EIF3L: variants seen among roughly 807,000 people sequenced by gnomAD.
The protein encoded by EIF3L is eIEF associated protein HSPC021.
Under a neutral mutation model 74.6 loss-of-function variants are expected in EIF3L, and 32 were observed. The observed-to-expected ratio is 0.43, with a 90% CI of 0.32 to 0.58. EIF3L has a LOEUF of 0.58. Ranked by LOEUF, EIF3L falls within the 20% of genes least tolerant of loss-of-function variation. The pLI is 0.06. For synonymous variants in EIF3L, 256 were observed against 254.4 expected (o/e 1.01, Z -0.06); for missense variants, 474 against 707.8 (o/e 0.67, Z 3.75).
At chr22:37,849,920 T>C (rs1925081296) in intron 1 of EIF3L, 95 bp from the exon 2 acceptor site, 6 of 1,380,882 alleles carry the variant, frequency 4.3e-6, no homozygotes, top group Non-Finnish European at 6.2e-6. Flanking sequence ...TTCGCCTCTG[T>C]ATCCTTAGCT....
intron 5 of EIF3L, 120 bp downstream of exon 5, chr22:37,858,860 G>GT (rs1925688204): frequency 4.4e-6 from 4 of 914,704 alleles, no homozygotes; most frequent in Non-Finnish European, 6.6e-6. Flanking sequence ...TGATTGGCAT[G>GT]TTTTTGAGTT....
At chr22:37,884,270 A>G (rs1259871980) in intron 11 of EIF3L, 1 of 152,198 alleles carries the variant, frequency 6.6e-6, no homozygotes, top group Non-Finnish European at 1.5e-5. Context: ...CCCATGTATT[A>G]ATGTACTGCA....
chr22:37,856,084 G>A lies in EIF3L; in HGVS notation c.373+440G>A, dbSNP rs551226633. Among the ~76,000 whole-genome samples, 83 of 151,692 alleles carry A rather than the reference G, an allele frequency of 5.5e-4. 1 individual carries two copies. The highest frequency in any genetic ancestry group is 4.6e-4 in the Non-Finnish European group (31 of 67,944). ...TTATTATTATTTTTTTTGAGATGGA[G>A]TCTCGTTCTGTCTCCCAGGCTGAAG... On this transcript the variant is annotated intron_variant, in intron 4 of 12. Transcript: ENST00000652021.
intron 5 of EIF3L, among the ~76,000 whole-genome samples, chr22:37,862,615 A>C (rs1601762404): frequency 6.6e-6 from 1 of 152,312 alleles, no homozygotes; most frequent in East Asian, 1.9e-4. Flanking sequence ...CCGGTGCAGC[A>C]TTATCTTCTC....
chr22:37,851,849 G>A (rs1925244215), intron 3 of EIF3L, among the ~76,000 whole-genome samples: 1 of 152,020 alleles, frequency 6.6e-6, no homozygotes, highest in South Asian at 2.1e-4. Flanking sequence ...TGTATTTTTA[G>A]TAGAGACAGA....
chr22:37,858,413 T>C (rs572271966), intron 4 of EIF3L, among the ~76,000 whole-genome samples: 1 of 151,920 alleles, frequency 6.6e-6, no homozygotes, highest in East Asian at 2.0e-4. Flanking sequence ...TGCTGGTTTT[T>C]TTATGCACTT....
At chr22:37,885,686 C>G (rs1927282693) in intron 11 of EIF3L, 1 of 148,556 alleles carries the variant, frequency 6.7e-6, no homozygotes, top group African/African-American at 2.5e-5. Flanking sequence ...CTTTGTCACC[C>G]AAGCTGGAGT....
chr22:37,888,384 G>A, intron 12 of EIF3L, 42 bp from the exon 13 acceptor site: 1 of 1,611,058 alleles, frequency 6.2e-7, no homozygotes, highest in South Asian at 1.1e-5. Flanking sequence ...AAAGGGGTTG[G>A]GGAAATCCCC....
chr22:37,870,371 G>C (rs115718162), intron 8 of EIF3L, 24 bp downstream of exon 8: 2 of 1,561,692 alleles, frequency 1.3e-6, no homozygotes, highest in African/African-American at 2.7e-5. Context: ...GCCGACAGCC[G>C]TGGCCTGCGA....
intron 4 of EIF3L, among the ~76,000 whole-genome samples, chr22:37,858,186 A>C (rs1382016585): frequency 6.6e-6 from 1 of 150,514 alleles, no homozygotes; most frequent in Non-Finnish European, 1.5e-5. Flanking sequence ...CAAACAAACA[A>C]ACAACATTCT....
chr22:37,870,666 A>C (rs1189359831), intron 8 of EIF3L, among the ~76,000 whole-genome samples: 1 of 152,180 alleles, frequency 6.6e-6, no homozygotes, highest in Non-Finnish European at 1.5e-5. Flanking sequence ...ACCCTGTTAA[A>C]ATATTGAGAA....
At position 37,877,721 on chromosome 22, in the gene EIF3L, C is replaced by T; in HGVS notation, c.1125C>T (p.Leu375=). The change falls in exon 11 of 13, where the codon CTC becomes CTT. Residue 375 remains leucine (L), a synonymous_variant. Transcript: ENST00000652021. ...EQMHALLAIA[L]TMYPMRIDES... ...TGCATGCGCTGCTGGCCATTGCCCT[C>T]ACGATGTACCCCATGCGTATTGATG... 6.2e-7 allele frequency: 1 copy of T among 1,613,018 alleles called. No individual in the cohort carries two copies. The highest frequency in any genetic ancestry group is 8.5e-7 in the Non-Finnish European group (1 of 1,179,406).
chr22:37,852,852 GT>G (rs1198310677), intron 3 of EIF3L, among the ~76,000 whole-genome samples: 1 of 142,202 alleles, frequency 7.0e-6, no homozygotes, highest in Non-Finnish European at 1.5e-5. Context: ...GGGTTAGTTA[GT>G]GAGGAGAGAG....
In EIF3L at chr22:37,850,007, C is replaced by G. The variant is rs571108123; in HGVS notation, c.34-8C>G. 6.2e-7 allele frequency: 1 copy of G among 1,613,530 alleles called. No individual in the cohort carries two copies. Among genetic ancestry groups the G allele is most frequent in the African/African-American group, 1.3e-5 (1 of 74,890 alleles). On this transcript the variant is annotated splice_region_variant and splice_polypyrimidine_tract_variant and intron_variant, in intron 1 of 12. Coordinates refer to ENST00000652021, the MANE Select transcript of EIF3L (RefSeq NM_016091.4). ...CGGCTGTCCTTGACTGTGTCTCTTT[C>G]CTTCTAGGCGGCTTATGACCCCTAC...
intron 5 of EIF3L, among the ~76,000 whole-genome samples, chr22:37,862,168 A>G (rs565433247): frequency 6.6e-6 from 1 of 152,284 alleles, no homozygotes; most frequent in Admixed American, 6.5e-5. Context: ...CTAGTCAACA[A>G]TCTTTTGCCC....
intron 7 of EIF3L, among the ~76,000 whole-genome samples, chr22:37,864,831 G>T (rs928827044): frequency 2.0e-5 from 3 of 152,126 alleles, no homozygotes; most frequent in Admixed American, 2.0e-4. Flanking sequence ...GAGCCACCGC[G>T]CCTGGCCTAC....
At chr22:37,865,886 C>A (rs189340165) in intron 7 of EIF3L, among the ~76,000 whole-genome samples, 188 of 152,288 alleles carry the variant, frequency 1.2e-3, no homozygotes, top group South Asian at 9.7e-3. Flanking sequence ...AATCATAATT[C>A]CCTGGGCTTA....
intron 1 of EIF3L, 34 bp from the exon 2 acceptor site, chr22:37,849,981 G>A (rs188700841): frequency 5.0e-6 from 8 of 1,613,206 alleles, no homozygotes; most frequent in Middle Eastern, 1.7e-4. Context: ...TCACGACTTG[G>A]CGGCTGTCCT....
intron 3 of EIF3L, among the ~76,000 whole-genome samples, chr22:37,855,100 A>C (rs369185607): frequency 6.6e-6 from 1 of 152,202 alleles, no homozygotes; most frequent in South Asian, 2.1e-4. Context: ...AGGTTTGTCA[A>C]GTAGCAGTGT....
Sources: allele counts gnomAD v4.1 joint callset (sites outside exome capture counted in the v4.1 genomes callset), GRCh38; gene constraint gnomAD v4.1.1; transcripts MANE v1.5; gene names NCBI Gene and HGNC (gene_info 2026-07-23, HGNC 2026-07-21).